CAPZA2: variants seen among roughly 807,000 people sequenced by gnomAD.
CAPZA2 encodes the protein capping actin protein of muscle Z-line subunit alpha 2.
CAPZA2 carries 13 observed loss-of-function variants against 44.0 expected under a neutral mutation model. The observed-to-expected ratio is 0.30, with a 90% CI of 0.19 to 0.47. CAPZA2 has a LOEUF of 0.47. Ranked by LOEUF, CAPZA2 falls within the 20% of genes least tolerant of loss-of-function variation. CAPZA2 has a pLI of 1.00. For missense variants in CAPZA2, 244 were observed against 338.6 expected, an observed-to-expected ratio of 0.72 and a Z score of 2.19; for synonymous variants, 94 against 108.2, an observed-to-expected ratio of 0.87 and a Z score of 0.81.
chr7:116,905,162 A>G (rs1475460685), intron 5 of CAPZA2, among the ~76,000 whole-genome samples: 1 of 151,756 alleles, frequency 6.6e-6, no homozygotes, highest in Non-Finnish European at 1.5e-5. Context: ...AGAAAAGAAA[A>G]AAAAGAAATA....
intron 2 of CAPZA2, among the ~76,000 whole-genome samples, chr7:116,890,163 C>A (rs917323483): frequency 6.6e-6 from 1 of 152,052 alleles, no homozygotes; most frequent in African/African-American, 2.4e-5. Flanking sequence ...CATATTTAAT[C>A]AGGAAAGTCC....
intron 1 of CAPZA2, among the ~76,000 whole-genome samples, chr7:116,867,168 G>A (rs1267388814): frequency 6.6e-6 from 1 of 152,216 alleles, no homozygotes; most frequent in Non-Finnish European, 1.5e-5. Flanking sequence ...GCATTGACCT[G>A]ATTGTTAAAT....
At chr7:116,917,611 T>C (rs112287989) in intron 9 of CAPZA2, 116 bp from the exon 10 acceptor site, 2 of 789,728 alleles carry the variant, frequency 2.5e-6, no homozygotes, top group African/African-American at 1.7e-5. Context: ...TATTTGACTG[T>C]TTAAAAACAG....
rs748192235 is a variant in CAPZA2, at chr7:116,917,762, C to T, written c.756C>T (p.Asp252=). ...GTGAGAATTATCAGACAATGTCGGA[C>T]ACTACTTTCAAAGCCTTACGTCGAC... The part of the protein sequence containing the change: ...AISENYQTMS[D]TTFKALRRQL... The change falls in exon 10 of 10, where the codon GAC becomes GAT. Residue 252 remains aspartate, a synonymous_variant. Transcript: ENST00000361183. 4.4e-6 allele frequency: 7 copies of T among 1,606,852 alleles called. No homozygotes were observed. In the Admixed American group the frequency reaches 8.3e-5, roughly 19 times the overall value.
chr7:116,868,062 A>G (rs1404673689), intron 1 of CAPZA2, among the ~76,000 whole-genome samples: 3 of 152,174 alleles, frequency 2.0e-5, no homozygotes, highest in Admixed American at 2.0e-4. Context: ...ATGACTTTTC[A>G]TCTACTTTGA....
chr7:116,911,788 G>A (rs1791601079), intron 7 of CAPZA2, among the ~76,000 whole-genome samples: 1 of 152,194 alleles, frequency 6.6e-6, no homozygotes, highest in Admixed American at 6.5e-5. Flanking sequence ...TGGACATCTT[G>A]GTTTTAGATA....
rs1339716484 is a variant in CAPZA2, at chr7:116,920,542, G to A, written c.*2675G>A. On this transcript the variant is annotated 3_prime_UTR_variant, in exon 10 of 10. Coordinates refer to ENST00000361183, the MANE Select transcript of CAPZA2 (RefSeq NM_006136.3). ...ATCAGCAAGACCTGGGGAGAGTTTG[G>A]TCATGGAGTGTGAGATAAAGAGAAC... The A allele has an allele frequency of 3.9e-5, 6 of 152,354 alleles. No homozygotes were observed. Among genetic ancestry groups the A allele is most frequent in the African/African-American group, 1.4e-4 (6 of 41,442 alleles). The allele number at this position is 152,354 out of a possible 1,614,324, so 9.4% of individuals were successfully genotyped here. A position where few individuals can be genotyped will look rare whatever the true frequency, so the allele number is the denominator to read the frequency against.
chr7:116,865,973 AG>A (rs1796477623), intron 1 of CAPZA2, among the ~76,000 whole-genome samples: 1 of 152,246 alleles, frequency 6.6e-6, no homozygotes, highest in South Asian at 2.1e-4. Context: ...ACACATTTAA[AG>A]GTGTTATGTT....
intron 1 of CAPZA2, among the ~76,000 whole-genome samples, chr7:116,884,604 CG>C (rs1796737740): frequency 1.3e-5 from 2 of 152,020 alleles, no homozygotes; most frequent in Non-Finnish European, 2.9e-5. Context: ...ATGGTTTGTT[CG>C]TTTTTATTGC....
At chr7:116,878,256 G>A (rs1393473389) in intron 1 of CAPZA2, among the ~76,000 whole-genome samples, 2 of 152,188 alleles carry the variant, frequency 1.3e-5, no homozygotes, top group Non-Finnish European at 2.9e-5. Flanking sequence ...GGATTACCTA[G>A]AGATTTATTT....
intron 2 of CAPZA2, among the ~76,000 whole-genome samples, chr7:116,892,434 T>A (rs925197786): frequency 1.3e-5 from 2 of 152,228 alleles, no homozygotes; most frequent in Non-Finnish European, 2.9e-5. Context: ...ATAAAAATGC[T>A]ATTTTTGAAG....
intron 2 of CAPZA2, among the ~76,000 whole-genome samples, chr7:116,890,593 TATATAC>T: frequency 2.2e-5 from 1 of 44,522 alleles, no homozygotes; most frequent in African/African-American, 1.5e-4. Context: ...TATATATATA[TATATAC>T]ACACACACAC....
intron 1 of CAPZA2, among the ~76,000 whole-genome samples, chr7:116,871,192 G>A (rs1319414034): frequency 1.3e-5 from 2 of 152,194 alleles, no homozygotes; most frequent in Non-Finnish European, 2.9e-5. Context: ...ATAAGAAGTG[G>A]AGAGAGACCT....
Position 116,883,762 on chromosome 7 carries a change from C to G in CAPZA2, c.40-4365C>G, listed in dbSNP as rs559841501. 2.0e-5 allele frequency among the ~76,000 whole-genome samples: 3 copies of G among 152,234 alleles called. No individual in the cohort carries two copies. The South Asian group carries it at 6.2e-4, about 32-fold the overall frequency. On this transcript the variant is annotated intron_variant, in intron 1 of 9. Transcript: ENST00000361183. ...TTCTTGGTGAAAACCCAAAATAGAG[C>G]TGACGAAAATTCTAAATGGTATATT...
chr7:116,893,694 G>A (rs1466344553), intron 3 of CAPZA2, among the ~76,000 whole-genome samples: 1 of 152,092 alleles, frequency 6.6e-6, no homozygotes, highest in Non-Finnish European at 1.5e-5. Context: ...TTTCTTTTAT[G>A]TTTGACCCTA....
chr7:116,890,368 A>C (rs1250535308), intron 2 of CAPZA2, among the ~76,000 whole-genome samples: 1 of 151,336 alleles, frequency 6.6e-6, no homozygotes, highest in Non-Finnish European at 1.5e-5. Context: ...AACTGAAAGA[A>C]TATTTAAGAG....
intron 9 of CAPZA2, 21 bp from the exon 10 acceptor site, chr7:116,917,706 T>A (rs1449448996): frequency 6.4e-7 from 1 of 1,564,120 alleles, no homozygotes; most frequent in Non-Finnish European, 8.8e-7. Flanking sequence ...ACTTTAAACT[T>A]CTAACTATTG....
chr7:116,917,267 T>C (rs1791692147), intron 9 of CAPZA2, among the ~76,000 whole-genome samples: 2 of 152,192 alleles, frequency 1.3e-5, no homozygotes, highest in Non-Finnish European at 1.5e-5. Context: ...TATTTATTTA[T>C]TTTTGAAGAC....
At chr7:116,892,654 ACT>A (rs531979858) in intron 2 of CAPZA2, among the ~76,000 whole-genome samples, 1 of 151,674 alleles carries the variant, frequency 6.6e-6, no homozygotes, top group Non-Finnish European at 1.5e-5. Flanking sequence ...AAAAAAAAAA[ACT>A]CACGATGTTT....
Sources: gnomAD v4.1 joint callset for allele counts (sites outside exome capture counted in the v4.1 genomes callset) on GRCh38, gnomAD v4.1.1 for gene constraint, MANE v1.5 for transcripts, NCBI Gene and HGNC (gene_info 2026-07-23, HGNC 2026-07-21) for gene names.